CNNM1: variants seen among roughly 807,000 people sequenced by gnomAD.
CNNM1 encodes metal transporter CNNM1.
Under a neutral mutation model 78.8 loss-of-function variants are expected in CNNM1, and 44 were observed. The ratio of observed to expected loss-of-function variants is 0.56; its 90% CI spans 0.44 to 0.72. The LOEUF (loss-of-function observed/expected upper bound fraction) is 0.72. Ranked by LOEUF, CNNM1 falls within the 30% of genes least tolerant of loss-of-function variation. The probability of loss-of-function intolerance (pLI) is 0.00; values close to 1 mark genes in which losing one functional copy is unlikely to be tolerated. For synonymous variants in CNNM1, 584 were observed against 581.5 expected (o/e 1.00, Z -0.06); for missense variants, 1,101 against 1,292.2 (o/e 0.85, Z 2.27).
chr10:99,384,357 T>G (rs55885558), intron 7 of CNNM1, among the ~76,000 whole-genome samples: 2 of 151,872 alleles, frequency 1.3e-5, no homozygotes, highest in East Asian at 3.9e-4. Context: ...AAATTTTTTT[T>G]AAAAAGAGAG....
chr10:99,348,102 G>T (rs1013792842), intron 1 of CNNM1, among the ~76,000 whole-genome samples: 2 of 150,614 alleles, frequency 1.3e-5, no homozygotes, highest in Non-Finnish European at 2.9e-5. Context: ...GTGTGCATTG[G>T]TGCAATCATT....
At chr10:99,383,996 A>AT (rs138457915) in intron 7 of CNNM1, among the ~76,000 whole-genome samples, 14,025 of 152,286 alleles carry the variant, frequency 0.092, 1,211 homozygotes, top group African/African-American at 0.23. Context: ...TTCCTCACTA[A>AT]TCACTTTAAC....
In CNNM1 at chr10:99,329,930, G is replaced by A. The variant is rs1242442196; in HGVS notation, c.543G>A (p.Gly181=). The A allele has an allele frequency of 7.2e-7, 1 of 1,383,534 alleles. No homozygotes were observed. Among genetic ancestry groups the A allele is most frequent in the Non-Finnish European group, 9.3e-7 (1 of 1,077,254 alleles). The allele number at this position is 1,383,534 out of a possible 1,614,324, so 85.7% of individuals were successfully genotyped here. A position where few individuals can be genotyped will look rare whatever the true frequency, so the allele number is the denominator to read the frequency against. ...EAERGGAGGG[G]KLFSLCAWDG... is the part of the protein sequence containing the mutation. Reference sequence around the variant, plus strand: ...AGCGGGGCGGCGCGGGCGGTGGCGGGAAGCTCTTTTCACTCTGCGCCTGGG... The same window carrying A: ...AGCGGGGCGGCGCGGGCGGTGGCGGAAAGCTCTTTTCACTCTGCGCCTGGG... The change falls in exon 1 of 11, where the codon GGG becomes GGA. Residue 181 remains glycine, a synonymous_variant. Transcript: ENST00000356713.
In CNNM1 at chr10:99,387,935, G is replaced by A. The variant is rs2298316; in HGVS notation, c.2456G>A (p.Arg819Gln). ...GACTCCACTAAGGCCCCCACAACCCGGGGCACACCCCAGACCCCTAAGGAT... is the reference window on the plus strand; with the variant it reads ...GACTCCACTAAGGCCCCCACAACCCAGGGCACACCCCAGACCCCTAAGGAT... ...DGDSTKAPTTRGTPQTPKDDP... is the reference protein window; with the variant it reads ...DGDSTKAPTTQGTPQTPKDDP... The change falls in exon 8 of 11, where the codon CGG (arginine) becomes CAG (glutamine). Residue 819 changes from arginine to glutamine, a missense_variant. Around this residue, in one of 3 missense-constraint regions of CNNM1, gnomAD observed 348 missense variants for 384.5 expected, o/e 0.90. Coordinates refer to ENST00000356713, the MANE Select transcript of CNNM1 (RefSeq NM_020348.3). The A allele has an allele frequency of 0.092, 148,067 of 1,612,848 alleles. 7,736 individuals are homozygous for A. The highest frequency in any genetic ancestry group is 0.11 in the Non-Finnish European group (127,574 of 1,179,378).
intron 1 of CNNM1, among the ~76,000 whole-genome samples, chr10:99,337,038 A>C (rs758982533): frequency 6.6e-6 from 1 of 152,204 alleles, no homozygotes; most frequent in Non-Finnish European, 1.5e-5. Context: ...TGTAAAATGA[A>C]AATAATACTA....
chr10:99,330,940 T>A lies in CNNM1; in HGVS notation c.1553T>A (p.Val518Asp). Residue 518 changes from valine to aspartate, a missense_variant, in exon 1 of 11, where the codon GTT (valine) becomes GAT (aspartate). This residue lies in a region of CNNM1 where 277 missense variants were observed against 423.2 expected (regional missense o/e 0.65). Transcript: ENST00000356713. ...CVFNDTRLDTVLEEFKKGKSH... is the reference protein window; with the variant it reads ...CVFNDTRLDTDLEEFKKGKSH... ...TTCAATGACACCCGACTGGACACGG[T>A]TCTGGAGGAGTTTAAGAAGGGTGAG... is the stretch of plus-strand genomic sequence containing the variant. 1 of 1,612,742 alleles carries A rather than the reference T, an allele frequency of 6.2e-7. No homozygotes were observed. Among genetic ancestry groups the A allele is most frequent in the Non-Finnish European group, 8.5e-7 (1 of 1,179,482 alleles).
Position 99,330,237 on chromosome 10 carries a change from T to C in CNNM1, c.850T>C (p.Cys284Arg). ...TCGCGGCAGGGGGACCCATCTGCTCTGCACCCTACTCCTGGGCCAAGCCGG... is the reference window on the plus strand; with the variant it reads ...TCGCGGCAGGGGGACCCATCTGCTCCGCACCCTACTCCTGGGCCAAGCCGG... ...AVRGRGTHLL[C>R]TLLLGQAGAN... Residue 284 changes from cysteine (C) to arginine (R), a missense_variant, in exon 1 of 11, where the codon TGC becomes CGC. Cys to Arg is a radical substitution (Grantham distance 180, BLOSUM62 -3). Coordinates refer to ENST00000356713, the MANE Select transcript of CNNM1 (RefSeq NM_020348.3). 1 of 1,538,584 alleles carries C rather than the reference T, an allele frequency of 6.5e-7. No individual in the cohort carries two copies. The highest frequency in any genetic ancestry group is 8.7e-7 in the Non-Finnish European group (1 of 1,144,312).
chr10:99,376,275 G>A (rs1357689936), intron 6 of CNNM1, among the ~76,000 whole-genome samples: 2 of 152,188 alleles, frequency 1.3e-5, no homozygotes, highest in African/African-American at 2.4e-5. Context: ...GGGACCAGGG[G>A]TCCAGAAGCC....
At chr10:99,388,070 CTAGCCCTTCCCAGGGCTCACACCACCT>C in intron 8 of CNNM1, 55 bp from the exon 9 acceptor site, 9 of 1,590,442 alleles carry the variant, frequency 5.7e-6, no homozygotes, top group Non-Finnish European at 7.7e-6. Context: ...CCTTCCTCTT[CTAGCCCTTCCCAGGGCTCACACCACCT>C]GAGCCCTGGG....
At chr10:99,387,276 A>C (rs1401384459) in intron 7 of CNNM1, among the ~76,000 whole-genome samples, 1 of 152,168 alleles carries the variant, frequency 6.6e-6, no homozygotes, top group African/African-American at 2.4e-5. Context: ...TTGAGGAGAC[A>C]GCTGGGAAAC....
Position 99,357,554 on chromosome 10 carries a change from G to A in CNNM1, c.1616G>A (p.Gly539Glu). The A allele has an allele frequency of 6.2e-7, 1 of 1,613,588 alleles. No individual in the cohort carries two copies. Among genetic ancestry groups the A allele is most frequent in the Non-Finnish European group, 8.5e-7 (1 of 1,179,632 alleles). Residue 539 changes from glycine (G) to glutamate (E), a missense_variant, in exon 2 of 11, where the codon GGA (glycine) becomes GAA (glutamate). Physicochemically the swap from Gly to Glu is moderately conservative, Grantham distance 98. Transcript: ENST00000356713. ...ATTGTCCAGCGGGTGAATAATGAGG[G>A]AGAAGGGGACCCTTTCTATGAGGTG... Reference protein sequence around the residue: ...LAIVQRVNNEGEGDPFYEVMG... With the variant: ...LAIVQRVNNEEEGDPFYEVMG...
intron 6 of CNNM1, among the ~76,000 whole-genome samples, chr10:99,366,593 C>A (rs2031627852): frequency 6.6e-6 from 1 of 152,036 alleles, no homozygotes; most frequent in Non-Finnish European, 1.5e-5. Context: ...ACCATCCTGG[C>A]CAACATGGTG....
At chr10:99,368,759 G>C in intron 6 of CNNM1, 1 of 1,010,300 alleles carries the variant, frequency 9.9e-7, no homozygotes, top group Non-Finnish European at 1.4e-6. Flanking sequence ...TCACTTTCCT[G>C]CATGAGAACT....
chr10:99,349,201 A>C (rs949442630), intron 1 of CNNM1, among the ~76,000 whole-genome samples: 38 of 152,348 alleles, frequency 2.5e-4, no homozygotes, highest in African/African-American at 8.9e-4. Context: ...GATCAAAGAC[A>C]GGAGCAGAAG....
intron 1 of CNNM1, among the ~76,000 whole-genome samples, chr10:99,348,367 T>C (rs895234007): frequency 1.3e-5 from 2 of 152,174 alleles, no homozygotes; most frequent in African/African-American, 4.8e-5. Context: ...ATTTTAGATA[T>C]GTATTTGCTT....
At position 99,357,612 on chromosome 10, in the gene CNNM1, G is replaced by C; in HGVS notation, c.1674G>C (p.Glu558Asp). 6.2e-7 allele frequency: 1 copy of C among 1,613,536 alleles called. No homozygotes were observed. Among genetic ancestry groups the C allele is most frequent in the Non-Finnish European group, 8.5e-7 (1 of 1,179,658 alleles). Residue 558 changes from glutamate to aspartate, a missense_variant, in exon 2 of 11, where the codon GAG becomes GAC. Physicochemically the swap from Glu to Asp is conservative, Grantham distance 45. This residue lies in a region of CNNM1 where 277 missense variants were observed against 423.2 expected (regional missense o/e 0.65). Transcript: ENST00000356713. ...MGIVTLEDIIEEIIKSEILDE... is the reference protein window; with the variant it reads ...MGIVTLEDIIDEIIKSEILDE... ...TTGTCACGCTGGAGGATATCATAGA[G>C]GAGATTATCAAGTCGGAGATCCTGG...
intron 1 of CNNM1, among the ~76,000 whole-genome samples, chr10:99,336,768 AC>A (rs2030207374): frequency 6.6e-6 from 1 of 152,176 alleles, no homozygotes; most frequent in Non-Finnish European, 1.5e-5. Context: ...GGAGTTAGAG[AC>A]CAGCCTGGCC....
rs1475575775 is a variant in CNNM1 at position 99,330,791 on chromosome 10, G to A, written c.1404G>A (p.Glu468=). The part of the protein sequence containing the change: ...RSGYTRIPVY[E]GDQRHNIVDI... ...GCTACACTCGCATCCCAGTGTACGA[G>A]GGTGACCAGCGGCACAACATTGTGG... Residue 468 remains glutamate, a synonymous_variant, in exon 1 of 11, where the codon GAG becomes GAA. Coordinates refer to ENST00000356713, the MANE Select transcript of CNNM1 (RefSeq NM_020348.3). The A allele has an allele frequency of 2.4e-5, 39 of 1,614,014 alleles. No homozygotes were observed. The highest frequency in any genetic ancestry group is 3.1e-5 in the Non-Finnish European group (36 of 1,180,014).
intron 1 of CNNM1, among the ~76,000 whole-genome samples, chr10:99,346,697 CA>C (rs1220064745): frequency 6.6e-6 from 1 of 152,192 alleles, no homozygotes; most frequent in Non-Finnish European, 1.5e-5. Context: ...TTTTGCCAAA[CA>C]CACTCCTTAA....
Sources: allele counts gnomAD v4.1 joint callset (sites outside exome capture counted in the v4.1 genomes callset), GRCh38; gene constraint gnomAD v4.1.1; regional missense constraint gnomAD v4.1.1; transcripts MANE v1.5; gene names NCBI Gene and HGNC (gene_info 2026-07-23, HGNC 2026-07-21).